Variants in PDE10A observed in about 807,000 individuals in gnomAD.
The protein encoded by PDE10A is cAMP and cAMP-inhibited cGMP 3',5'-cyclic phosphodiesterase 10A.
PDE10A carries 39 observed loss-of-function variants against 97.7 expected under a neutral mutation model. The ratio of observed to expected loss-of-function variants is 0.40; its 90% CI spans 0.31 to 0.52. The LOEUF is 0.52. PDE10A is among the 20% of genes least tolerant of loss of function. The pLI is 0.56. For synonymous variants in PDE10A, 371 were observed against 376.8 expected (o/e 0.98, Z 0.18); for missense variants, 731 against 1,047.8 (o/e 0.70, Z 4.17).
chr6:165,777,972 T>C (rs951584614), intron 1 of PDE10A, among the ~76,000 whole-genome samples: 2 of 152,224 alleles, frequency 1.3e-5, no homozygotes, highest in African/African-American at 4.8e-5. Flanking sequence ...TATGTGTCTA[T>C]CTCAAGAATG....
intron 1 of PDE10A, among the ~76,000 whole-genome samples, chr6:165,604,815 A>G (rs1314396505): frequency 6.6e-6 from 1 of 152,268 alleles, no homozygotes; most frequent in Non-Finnish European, 1.5e-5. Flanking sequence ...TCAGTGTAGA[A>G]GAAAAAAGCT....
At chr6:165,547,387 G>A (rs930188130) in intron 1 of PDE10A, among the ~76,000 whole-genome samples, 4 of 152,112 alleles carry the variant, frequency 2.6e-5, no homozygotes, top group African/African-American at 9.7e-5. Flanking sequence ...AAGAGCTGAT[G>A]AATTTCATTA....
At chr6:165,522,892 G>C (rs912702698) in intron 2 of PDE10A, among the ~76,000 whole-genome samples, 14 of 151,868 alleles carry the variant, frequency 9.2e-5, no homozygotes, top group Admixed American at 6.6e-5. Flanking sequence ...TCTACCAAAG[G>C]CTCCTAGAAC....
intron 2 of PDE10A, among the ~76,000 whole-genome samples, chr6:165,500,357 T>C (rs1331372054): frequency 2.0e-5 from 3 of 152,224 alleles, no homozygotes; most frequent in Non-Finnish European, 4.4e-5. Context: ...CATTTTGTTC[T>C]GTACTAGAAA....
rs113567869 is a variant in PDE10A at position 165,405,102 on chromosome 6, T to G, written c.2076+8399A>C. ...GAACAAATTAAAAAAAAAATGTGTGTGTATTATGTTCCTGTGAAATAAGAG... is the reference window on the plus strand; with the variant it reads ...GAACAAATTAAAAAAAAAATGTGTGGGTATTATGTTCCTGTGAAATAAGAG... On this transcript the variant is annotated intron_variant, in intron 13 of 21. Transcript: ENST00000539869. Among the ~76,000 whole-genome samples, 367 of 152,014 alleles carry G rather than the reference T, an allele frequency of 2.4e-3. 1 individual carries two copies. The highest frequency in any genetic ancestry group is 8.6e-3 in the African/African-American group (357 of 41,450).
chr6:165,615,696 TA>T (rs1787697361), intron 1 of PDE10A, among the ~76,000 whole-genome samples: 1 of 152,232 alleles, frequency 6.6e-6, no homozygotes, highest in Non-Finnish European at 1.5e-5. Flanking sequence ...TCAGTTTAGA[TA>T]ATTAATTTTA....
chr6:165,700,968 G>A (rs150150810), intron 1 of PDE10A, among the ~76,000 whole-genome samples: 5 of 152,258 alleles, frequency 3.3e-5, no homozygotes, highest in East Asian at 1.9e-4. Context: ...TGTCTGATAC[G>A]TGCATACCTG....
At chr6:165,709,347 C>A in intron 1 of PDE10A, among the ~76,000 whole-genome samples, 1 of 144,620 alleles carries the variant, frequency 6.9e-6, no homozygotes, top group Non-Finnish European at 1.5e-5. Context: ...GTGCTCTCTC[C>A]CCAACCCCAA....
intron 1 of PDE10A, among the ~76,000 whole-genome samples, chr6:165,827,047 C>G (rs1395931483): frequency 6.6e-6 from 1 of 152,142 alleles, no homozygotes; most frequent in South Asian, 2.1e-4. Flanking sequence ...CCTCGGTTGT[C>G]CCCTGACCAG....
At chr6:165,658,345 C>T (rs572693240) in intron 1 of PDE10A, among the ~76,000 whole-genome samples, 23 of 152,340 alleles carry the variant, frequency 1.5e-4, no homozygotes, top group Admixed American at 3.9e-4. Context: ...CAACTGTAGT[C>T]TGAAGCTATC....
chr6:165,831,478 C>CTTTTTTTTTTTTTTTTTTTTTT (rs200237321), intron 1 of PDE10A, among the ~76,000 whole-genome samples: 1 of 133,828 alleles, frequency 7.5e-6, no homozygotes, highest in African/African-American at 2.9e-5. Flanking sequence ...TTGCAGGAGT[C>CTTTTTTTTTTTTTTTTTTTTTT]TTTTTTTTTT....
intron 17 of PDE10A, among the ~76,000 whole-genome samples, chr6:165,386,670 C>T (rs1389509290): frequency 6.6e-6 from 1 of 151,982 alleles, no homozygotes; most frequent in Non-Finnish European, 1.5e-5. Flanking sequence ...AATATATGTA[C>T]ACATACATAT....
intron 18 of PDE10A, among the ~76,000 whole-genome samples, chr6:165,369,241 C>T (rs541351096): frequency 3.3e-5 from 5 of 152,092 alleles, no homozygotes; most frequent in African/African-American, 7.2e-5. Flanking sequence ...ATGACTTTGA[C>T]GAGCTGAGAG....
intron 1 of PDE10A, among the ~76,000 whole-genome samples, chr6:165,945,428 GCTACAGT>G (rs1280675663): frequency 2.0e-5 from 3 of 152,296 alleles, no homozygotes; most frequent in African/African-American, 7.2e-5. Context: ...ATAATTTGTT[GCTACAGT>G]CTTCATCTTT....
intron 1 of PDE10A, among the ~76,000 whole-genome samples, chr6:165,768,741 T>G (rs1204333252): frequency 1.3e-5 from 2 of 152,160 alleles, no homozygotes; most frequent in Admixed American, 6.5e-5. Context: ...GAATGTCATT[T>G]AAGGGCATTT....
intron 1 of PDE10A, among the ~76,000 whole-genome samples, chr6:165,847,885 G>A (rs1780462855): frequency 1.3e-5 from 2 of 152,160 alleles, no homozygotes; most frequent in South Asian, 2.1e-4. Context: ...TCATTTTACT[G>A]GATCTTTGGG....
chr6:165,703,899 G>A (rs1791641352), intron 1 of PDE10A, among the ~76,000 whole-genome samples: 1 of 152,220 alleles, frequency 6.6e-6, no homozygotes, highest in African/African-American at 2.4e-5. Context: ...TAGAGAGGGT[G>A]CAGCTTCTCA....
intron 2 of PDE10A, among the ~76,000 whole-genome samples, chr6:165,542,795 T>C (rs1032231540): frequency 2.6e-5 from 4 of 151,882 alleles, no homozygotes; most frequent in African/African-American, 4.8e-5. Context: ...ATTTTTTGTA[T>C]TTTTAGTAGA....
At chr6:165,505,089 G>A (rs1297611637) in intron 2 of PDE10A, among the ~76,000 whole-genome samples, 2 of 152,144 alleles carry the variant, frequency 1.3e-5, no homozygotes, top group African/African-American at 4.8e-5. Flanking sequence ...TCTCTTCGTA[G>A]CTCTGCCTAG....
Sources: gnomAD v4.1 joint callset for allele counts (sites outside exome capture counted in the v4.1 genomes callset) on GRCh38, gnomAD v4.1.1 for gene constraint, MANE v1.5 for transcripts, NCBI Gene and HGNC (gene_info 2026-07-23, HGNC 2026-07-21) for gene names.